PIEZO2: variants seen among roughly 807,000 people sequenced by gnomAD.
PIEZO2 encodes the protein piezo type mechanosensitive ion channel component 2, also known as piezo-type mechanosensitive ion channel component 2.
Under a neutral mutation model 337.3 loss-of-function variants are expected in PIEZO2, and 172 were observed. That is an observed-to-expected ratio of 0.51 (90% CI 0.45 to 0.58). PIEZO2 has a LOEUF of 0.58. Ranked by LOEUF, PIEZO2 falls within the 20% of genes least tolerant of loss-of-function variation. The pLI is 0.00. For missense variants in PIEZO2, 3,028 were observed against 3,391.3 expected (o/e 0.89, Z 2.66); for synonymous variants, 1,251 against 1,228.5 (o/e 1.02, Z -0.38).
intron 4 of PIEZO2, among the ~76,000 whole-genome samples, chr18:10,882,123 A>C (rs264203): frequency 0.62 from 94,229 of 152,006 alleles, 29,431 homozygotes; most frequent in East Asian, 0.8. Flanking sequence ...CATACACAGT[A>C]TCCACTCGTC....
Position 10,860,533 on chromosome 18 carries a change from C to G in PIEZO2, c.493-3322G>C, listed in dbSNP as rs564779128. Among the ~76,000 whole-genome samples, 3 of 152,304 alleles carry G rather than the reference C, an allele frequency of 2.0e-5. No homozygotes were observed. The South Asian group carries it at 6.2e-4, about 32-fold the overall frequency. On this transcript the variant is annotated intron_variant, in intron 5 of 55. Transcript: ENST00000674853. The stretch of plus-strand genomic sequence containing the variant: ...ATCGCCAGGACACCCACACCATCGT[C>G]AACACACAAATGACCTGCTCATCAG...
At chr18:11,006,876 A>G (rs1366280092) in intron 2 of PIEZO2, among the ~76,000 whole-genome samples, 1 of 152,206 alleles carries the variant, frequency 6.6e-6, no homozygotes, top group South Asian at 2.1e-4. Flanking sequence ...TTACCTATAT[A>G]TTTTTTATTT....
intron 8 of PIEZO2, among the ~76,000 whole-genome samples, chr18:10,806,870 GTTC>G (rs781444140): frequency 4.6e-5 from 7 of 152,138 alleles, no homozygotes; most frequent in Non-Finnish European, 8.8e-5. Flanking sequence ...TGAGTCTTCT[GTTC>G]TTCTCACTGC....
rs1423140702 is a variant in PIEZO2, at chr18:10,692,753, T to C, written c.7191-1370A>G. ...TCTGAATCTTGAGGCTACACCTCAC[T>C]GCTTGATCATCACAGCTTTATAATA... is the stretch of plus-strand genomic sequence containing the variant. On this transcript the variant is annotated intron_variant, in intron 47 of 55. Transcript: ENST00000674853. 2.0e-5 allele frequency among the ~76,000 whole-genome samples: 3 copies of C among 152,236 alleles called. 1 individual carries two copies. The East Asian group carries it at 5.8e-4, about 29-fold the overall frequency.
intron 1 of PIEZO2, among the ~76,000 whole-genome samples, chr18:11,115,985 TAGTTTTA>T (rs1163250173): frequency 2.0e-5 from 3 of 152,212 alleles, no homozygotes; most frequent in Non-Finnish European, 2.9e-5. Flanking sequence ...TATCAATAGA[TAGTTTTA>T]AGTTTTAACT....
At chr18:10,757,264 T>C (rs1261398919) in intron 27 of PIEZO2, among the ~76,000 whole-genome samples, 1 of 97,172 alleles carries the variant, frequency 1.0e-5, no homozygotes. Context: ...TGGGGATGAA[T>C]ATGAGGGATG....
intron 2 of PIEZO2, among the ~76,000 whole-genome samples, chr18:10,984,393 A>G (rs2034789498): frequency 6.6e-6 from 1 of 152,070 alleles, no homozygotes; most frequent in African/African-American, 2.4e-5. Context: ...TAAGAAACCA[A>G]AAGAAAGAAC....
intron 2 of PIEZO2, among the ~76,000 whole-genome samples, chr18:11,004,127 C>T (rs187568979): frequency 3.3e-5 from 5 of 152,264 alleles, no homozygotes; most frequent in East Asian, 3.9e-4. Context: ...ATGCCCTGTT[C>T]GTTCCCAGGG....
rs187684972 is a variant in PIEZO2 at position 10,863,318 on chromosome 18, C to T, written c.493-6107G>A. ...ATGTGTTTGAATGCTATTGTGTGTACCTTATGCAAGCCTAACGTGATCGCA... is the reference window on the plus strand; with the variant it reads ...ATGTGTTTGAATGCTATTGTGTGTATCTTATGCAAGCCTAACGTGATCGCA... On this transcript the variant is annotated intron_variant, in intron 5 of 55. Coordinates refer to ENST00000674853, the MANE Select transcript of PIEZO2 (RefSeq NM_001378183.1). The surrounding 1 kb of genome is among the most constrained non-coding windows in gnomAD (Gnocchi z 4.3). Among the ~76,000 whole-genome samples, 65 of 152,276 alleles carry T rather than the reference C, an allele frequency of 4.3e-4. No individual in the cohort carries two copies. Among genetic ancestry groups the T allele is most frequent in the Admixed American group, 7.8e-4 (12 of 15,288 alleles).
intron 49 of PIEZO2, among the ~76,000 whole-genome samples, chr18:10,686,500 G>A (rs601374): frequency 0.98 from 148,887 of 152,356 alleles, 72,764 homozygotes; most frequent in East Asian, 1. Context: ...AGATATGTGC[G>A]TTTGTAAATA....
At position 11,111,256 on chromosome 18, in the gene PIEZO2, A is replaced by G. The variant is rs1272564296; in HGVS notation, c.64+37269T>C. Among the ~76,000 whole-genome samples, 1 of 152,004 alleles carries G rather than the reference A, an allele frequency of 6.6e-6. No homozygotes were observed. Among genetic ancestry groups the G allele is most frequent in the Non-Finnish European group, 1.5e-5 (1 of 67,964 alleles). On this transcript the variant is annotated intron_variant, in intron 1 of 55. Transcript: ENST00000674853. This position sits in a 1 kb window ranked among gnomAD's most constrained non-coding sequence, Gnocchi z 6.2. Reference sequence around the variant, plus strand: ...ATGGAGATCTCTGGGGTCTGTGAGAACTTCCCTGGCCTTCGTTTCCCATCC... The same window carrying G: ...ATGGAGATCTCTGGGGTCTGTGAGAGCTTCCCTGGCCTTCGTTTCCCATCC...
chr18:11,018,097 G>A (rs2145696369), intron 2 of PIEZO2, among the ~76,000 whole-genome samples: 1 of 152,136 alleles, frequency 6.6e-6, no homozygotes, highest in East Asian at 1.9e-4. Context: ...GTGTAGAATT[G>A]TTCCCTGCCC....
intron 2 of PIEZO2, among the ~76,000 whole-genome samples, chr18:11,062,319 T>G (rs1290138280): frequency 6.6e-6 from 1 of 152,112 alleles, no homozygotes; most frequent in Admixed American, 6.5e-5. Flanking sequence ...GAAGAAAACC[T>G]AGGCAATACC....
intron 4 of PIEZO2, among the ~76,000 whole-genome samples, chr18:10,876,979 A>C (rs2042284196): frequency 6.6e-6 from 1 of 152,088 alleles, no homozygotes; most frequent in Non-Finnish European, 1.5e-5. Context: ...TTCTACTCCC[A>C]AATCTCCGTT....
At chr18:10,719,921 C>A (rs1024873739) in intron 36 of PIEZO2, among the ~76,000 whole-genome samples, 1 of 151,802 alleles carries the variant, frequency 6.6e-6, no homozygotes, top group African/African-American at 2.4e-5. Context: ...ATGAAAAAAT[C>A]AGGTTAGGAG....
intron 2 of PIEZO2, among the ~76,000 whole-genome samples, chr18:11,056,347 A>T (rs1274309870): frequency 6.6e-6 from 1 of 152,202 alleles, no homozygotes; most frequent in African/African-American, 2.4e-5. Context: ...CTCAGTCCCA[A>T]ATCACTCCAT....
intron 3 of PIEZO2, among the ~76,000 whole-genome samples, chr18:10,926,895 T>A (rs2031770403): frequency 6.6e-6 from 1 of 152,236 alleles, no homozygotes; most frequent in South Asian, 2.1e-4. Flanking sequence ...GTCCATTTCC[T>A]GAGGTTTTAT....
At chr18:11,130,914 G>C (rs1310686298) in intron 1 of PIEZO2, among the ~76,000 whole-genome samples, 1 of 152,194 alleles carries the variant, frequency 6.6e-6, no homozygotes, top group African/African-American at 2.4e-5. Context: ...ACAGGTCCAG[G>C]CTGCTGTACA....
At chr18:10,722,836 GGAATATTACAGTGTTAA>G (rs2036375424) in intron 36 of PIEZO2, among the ~76,000 whole-genome samples, 1 of 152,064 alleles carries the variant, frequency 6.6e-6, no homozygotes, top group Non-Finnish European at 1.5e-5. Context: ...GACAAGTCCT[GGAATATTACAGTGTTAA>G]GAGGTCAGGA....
Sources: allele counts gnomAD v4.1 joint callset (sites outside exome capture counted in the v4.1 genomes callset), GRCh38; gene constraint gnomAD v4.1.1; non-coding constraint Gnocchi (gnomAD v3.1); transcripts MANE v1.5; gene names NCBI Gene and HGNC (gene_info 2026-07-23, HGNC 2026-07-21).